The following RANBP17 variants were observed in gnomAD, a reference collection of about 807,000 sequenced individuals.
The protein encoded by RANBP17 is ran-binding protein 17.
In RANBP17, 158 loss-of-function variants were observed where a neutral mutation model predicts 141.2. That is an observed-to-expected ratio of 1.12 (90% CI 0.98 to 1.28). The LOEUF (loss-of-function observed/expected upper bound fraction) is 1.28, where lower values mean the gene tolerates loss of function less well. Ranked by LOEUF, RANBP17 falls within the 50% of genes most tolerant of loss-of-function variation. The pLI, the probability that RANBP17 is intolerant of heterozygous loss-of-function variation, is 0.00. For missense variants in RANBP17, 1,438 were observed against 1,290.7 expected (o/e 1.11, Z -1.75); for synonymous variants, 430 against 450.0 (o/e 0.96, Z 0.56).
At chr5:171,062,627 A>T (rs1783973878) in intron 14 of RANBP17, among the ~76,000 whole-genome samples, 1 of 151,942 alleles carries the variant, frequency 6.6e-6, no homozygotes, top group Non-Finnish European at 1.5e-5. Context: ...TGAATCTGAC[A>T]ATTATGTGTC....
chr5:171,280,253 T>C (rs968643533), intron 25 of RANBP17, among the ~76,000 whole-genome samples: 2 of 152,146 alleles, frequency 1.3e-5, no homozygotes, highest in African/African-American at 2.4e-5. Flanking sequence ...CATGGAAAGT[T>C]GTTTTTTGGG....
At chr5:171,179,439 A>G (rs1760736836) in intron 16 of RANBP17, among the ~76,000 whole-genome samples, 1 of 152,096 alleles carries the variant, frequency 6.6e-6, no homozygotes, top group African/African-American at 2.4e-5. Context: ...CTAAACTTAC[A>G]TTTCAGTTAC....
At chr5:170,919,411 T>A (rs1772243286) in intron 10 of RANBP17, 30 bp from the exon 11 acceptor site, 9 of 1,433,092 alleles carry the variant, frequency 6.3e-6, no homozygotes, top group Non-Finnish European at 8.5e-6. Flanking sequence ...ATGTAATATT[T>A]TAAATAACTT....
At chr5:171,029,034 C>G (rs1349672041) in intron 14 of RANBP17, 1 of 875,678 alleles carries the variant, frequency 1.1e-6, no homozygotes, top group Non-Finnish European at 1.5e-6. Flanking sequence ...CTTTTCTGGT[C>G]AGGTAAGTCA....
At chr5:171,221,894 G>A (rs1343341221) in intron 22 of RANBP17, 54 bp downstream of exon 22, 7 of 1,043,706 alleles carry the variant, frequency 6.7e-6, no homozygotes, top group Non-Finnish European at 1.0e-5. Context: ...CTCTTTAGAG[G>A]AAAGAAAGAT....
intron 14 of RANBP17, among the ~76,000 whole-genome samples, chr5:171,161,648 G>A (rs1392157075): frequency 6.6e-6 from 1 of 152,054 alleles, no homozygotes; most frequent in Non-Finnish European, 1.5e-5. Context: ...ATAGCCAAAG[G>A]TTTAGTAGTC....
intron 14 of RANBP17, among the ~76,000 whole-genome samples, chr5:171,064,696 T>A (rs1165198842): frequency 6.6e-6 from 1 of 152,136 alleles, no homozygotes; most frequent in Non-Finnish European, 1.5e-5. Flanking sequence ...TTTGTATTTT[T>A]TTTTCATAGA....
intron 14 of RANBP17, among the ~76,000 whole-genome samples, chr5:171,135,934 A>G (rs147676138): frequency 1.3e-5 from 2 of 152,342 alleles, no homozygotes; most frequent in Admixed American, 1.3e-4. Context: ...AATTTGCTTT[A>G]TCAAGTTTAA....
At position 171,258,581 on chromosome 5, in the gene RANBP17, A is replaced by G. The variant is rs116736780; in HGVS notation, c.2777-7100A>G. On this transcript the variant is annotated intron_variant, in intron 24 of 27. Transcript: ENST00000523189. ...AGAGAGCCCAGAAATAAAGTCACAT[A>G]CTTACAGCCAACCGATCTTCAACAA... Among the ~76,000 whole-genome samples the G allele has an allele frequency of 3.6e-3, 544 of 152,310 alleles. 4 individuals carry two copies. Among genetic ancestry groups the G allele is most frequent in the African/African-American group, 0.012 (516 of 41,566 alleles).
intron 5 of RANBP17, among the ~76,000 whole-genome samples, chr5:170,899,693 A>T (rs1211936109): frequency 1.3e-5 from 2 of 152,140 alleles, no homozygotes; most frequent in African/African-American, 4.8e-5. Context: ...GATATGTTCC[A>T]TCAATACCTA....
chr5:171,244,628 G>A (rs1026653915), intron 24 of RANBP17, among the ~76,000 whole-genome samples: 9 of 151,942 alleles, frequency 5.9e-5, no homozygotes, highest in Non-Finnish European at 5.9e-5. Context: ...TATATTTTTA[G>A]TAGAGATAGG....
chr5:171,155,559 G>C (rs1230683273), intron 14 of RANBP17, among the ~76,000 whole-genome samples: 2 of 152,084 alleles, frequency 1.3e-5, no homozygotes, highest in Non-Finnish European at 2.9e-5. Context: ...TCCATAATCT[G>C]TGAAAATGAA....
chr5:170,931,652 T>C (rs1386418884), intron 12 of RANBP17, among the ~76,000 whole-genome samples: 8 of 152,310 alleles, frequency 5.3e-5, no homozygotes, highest in South Asian at 4.1e-4. Flanking sequence ...CAGCACCGTT[T>C]ATTAAGTAGG....
chr5:170,972,069 A>G (rs932724710), intron 14 of RANBP17, among the ~76,000 whole-genome samples: 1 of 151,432 alleles, frequency 6.6e-6, no homozygotes, highest in Admixed American at 6.6e-5. Context: ...ATTTAGTATT[A>G]TTCTCATCCA....
intron 5 of RANBP17, among the ~76,000 whole-genome samples, chr5:170,902,604 A>G (rs538588521): frequency 6.6e-6 from 1 of 152,130 alleles, no homozygotes; most frequent in African/African-American, 2.4e-5. Context: ...CAGGTGTTCC[A>G]GTTTTTGGAA....
intron 24 of RANBP17, chr5:171,252,144 AAAG>A (rs772075450): frequency 2.7e-4 from 434 of 1,592,358 alleles, no homozygotes; most frequent in Non-Finnish European, 3.2e-4. Flanking sequence ...AAGATTACAG[AAAG>A]AAGATGAGCT....
chr5:171,071,275 G>C (rs181449167), intron 14 of RANBP17, among the ~76,000 whole-genome samples: 4 of 151,994 alleles, frequency 2.6e-5, no homozygotes, highest in Non-Finnish European at 5.9e-5. Flanking sequence ...TAAGATGTCA[G>C]TTTGCCCCAG....
chr5:171,288,631 C>T (rs185881963), intron 25 of RANBP17, among the ~76,000 whole-genome samples: 45 of 152,260 alleles, frequency 3.0e-4, no homozygotes, highest in East Asian at 9.6e-4. Flanking sequence ...GTCTATAAAA[C>T]GGGAATAATA....
chr5:171,049,074 T>G (rs1416963995), intron 14 of RANBP17, among the ~76,000 whole-genome samples: 1 of 152,236 alleles, frequency 6.6e-6, no homozygotes, highest in Non-Finnish European at 1.5e-5. Context: ...CCACAATGGC[T>G]GAACTAATTT....
Sources: allele counts gnomAD v4.1 joint callset (sites outside exome capture counted in the v4.1 genomes callset), GRCh38; gene constraint gnomAD v4.1.1; transcripts MANE v1.5; gene names NCBI Gene and HGNC (gene_info 2026-07-23, HGNC 2026-07-21).